Variants in GTF2IRD2 observed in about 807,000 individuals in gnomAD.
GTF2IRD2 encodes the protein GTF2I repeat domain containing 2, also known as general transcription factor II-I repeat domain-containing protein 2A.
A neutral mutation model predicts 49.2 loss-of-function variants in GTF2IRD2; 8 were observed. The ratio of observed to expected loss-of-function variants is 0.16; its 90% CI spans 0.10 to 0.29. The LOEUF (loss-of-function observed/expected upper bound fraction) is 0.29, where lower values mean the gene tolerates loss of function less well. GTF2IRD2 is among the 10% of genes least tolerant of loss of function. GTF2IRD2 has a pLI of 1.00. For missense variants in GTF2IRD2, 130 were observed against 725.7 expected, an observed-to-expected ratio of 0.18 and a Z score of 9.43; for synonymous variants, 47 against 289.7, an observed-to-expected ratio of 0.16 and a Z score of 8.51.
chr7:74,829,884 T>A, intron 3 of GTF2IRD2, among the ~76,000 whole-genome samples: 1 of 27,600 alleles, frequency 3.6e-5, no homozygotes, highest in Non-Finnish European at 5.5e-5. Flanking sequence ...CGAGATTCTG[T>A]CTCAAAAAAA....
rs1367523659 is a variant in GTF2IRD2 at position 74,818,434 on chromosome 7, T to C, written c.670+1120A>G. 2.8e-5 allele frequency among the ~76,000 whole-genome samples: 4 copies of C among 144,644 alleles called. 1 individual carries two copies. The highest frequency in any genetic ancestry group is 1.1e-4 in the African/African-American group (4 of 37,436). The allele number at this position is 144,644 out of a possible 152,430, so 94.9% of individuals were successfully genotyped here. ...ATCTTAGTCCCTATTATGTACTGAA[T>C]TAGAAGGCTCCCTCTCTCTCTCTCT... On this transcript the variant is annotated intron_variant, in intron 8 of 15. Transcript: ENST00000451013.
chr7:74,836,138 T>C, intron 2 of GTF2IRD2, 142 bp downstream of exon 2: 1 of 906,634 alleles, frequency 1.1e-6, no homozygotes, highest in South Asian at 1.5e-5. Flanking sequence ...GCCACTGCAC[T>C]CCAGCCTGGG....
intron 3 of GTF2IRD2, among the ~76,000 whole-genome samples, chr7:74,825,366 C>T (rs1208771412): frequency 6.8e-5 from 8 of 117,418 alleles, no homozygotes; most frequent in African/African-American, 2.0e-4. Flanking sequence ...TGGGCTTAAG[C>T]GGTCCTCCCA....
chr7:74,844,992 CT>C (rs1801143041), intron 1 of GTF2IRD2, among the ~76,000 whole-genome samples: 1 of 116,578 alleles, frequency 8.6e-6, no homozygotes, highest in Non-Finnish European at 1.8e-5. Context: ...TGCCTGGCCC[CT>C]GTGAATTCTG....
intron 1 of GTF2IRD2, among the ~76,000 whole-genome samples, chr7:74,842,836 G>A (rs1800966225): frequency 6.9e-6 from 1 of 144,996 alleles, no homozygotes; most frequent in South Asian, 2.3e-4. Flanking sequence ...TTACAGGCAT[G>A]AGCCTCCGTG....
intron 3 of GTF2IRD2, among the ~76,000 whole-genome samples, chr7:74,826,745 T>C (rs1799433490): frequency 8.8e-6 from 1 of 113,530 alleles, no homozygotes; most frequent in African/African-American, 3.6e-5. Context: ...AGAGTCTTAC[T>C]CTGTTGCCTA....
At chr7:74,839,976 G>T (rs1363915205) in intron 1 of GTF2IRD2, among the ~76,000 whole-genome samples, 8 of 147,888 alleles carry the variant, frequency 5.4e-5, no homozygotes, top group Admixed American at 1.3e-4. Flanking sequence ...CTCCAGGTGG[G>T]GCAACAGAGT....
At chr7:74,829,887 C>CAAAAAAACA (rs199938539) in intron 3 of GTF2IRD2, among the ~76,000 whole-genome samples, 1 of 59,830 alleles carries the variant, frequency 1.7e-5, no homozygotes, top group African/African-American at 6.0e-5. Flanking sequence ...GATTCTGTCT[C>CAAAAAAACA]AAAAAAAAAA....
chr7:74,806,300 T>G (rs1584386114), intron 12 of GTF2IRD2, among the ~76,000 whole-genome samples: 1 of 135,446 alleles, frequency 7.4e-6, no homozygotes, highest in African/African-American at 2.7e-5. Context: ...AAAAGAAGAT[T>G]ATTATTATTA....
At chr7:74,813,899 G>A (rs1424849450) in intron 8 of GTF2IRD2, among the ~76,000 whole-genome samples, 1 of 81,964 alleles carries the variant, frequency 1.2e-5, no homozygotes, top group Non-Finnish European at 3.2e-5. Context: ...ATAATGGAAT[G>A]GATTTCAAAA....
chr7:74,809,957 C>G (rs1240736857), intron 10 of GTF2IRD2, among the ~76,000 whole-genome samples: 6 of 47,128 alleles, frequency 1.3e-4, no homozygotes, highest in African/African-American at 3.9e-4. Flanking sequence ...CCACGCCTGG[C>G]TAATTTTTGT....
At chr7:74,831,560 C>T (rs1387598089) in intron 3 of GTF2IRD2, among the ~76,000 whole-genome samples, 27 of 144,642 alleles carry the variant, frequency 1.9e-4, no homozygotes, top group African/African-American at 5.9e-4. Context: ...TACCCTCTGA[C>T]GAACCTTTCT....
In GTF2IRD2 at chr7:74,841,079, C is replaced by T. The variant is rs1160559355; in HGVS notation, c.-5-4696G>A. ...GGCCAGGCCGGTCTTGAACTCCTAA[C>T]CTCAGTTGATCCACACGCCTCAGCC... On this transcript the variant is annotated intron_variant, in intron 1 of 15. Transcript: ENST00000451013. Among the ~76,000 whole-genome samples, 3 of 138,244 alleles carry T rather than the reference C, an allele frequency of 2.2e-5. No individual in the cohort carries two copies. In the Admixed American group the frequency reaches 2.2e-4, roughly 10 times the overall value. 90.7% of individuals were successfully genotyped at this position (138,244 alleles called of 152,430 possible).
At chr7:74,838,379 A>AT (rs3053908) in intron 1 of GTF2IRD2, among the ~76,000 whole-genome samples, 80,525 of 107,214 alleles carry the variant, frequency 0.75, 32,093 homozygotes, top group East Asian at 0.95. Context: ...TTTTGCCAAG[A>AT]TTTTTTTTTT....
chr7:74,836,137 C>T, intron 2 of GTF2IRD2, 143 bp downstream of exon 2: 1 of 897,646 alleles, frequency 1.1e-6, no homozygotes, highest in Non-Finnish European at 1.7e-6. Context: ...TGCCACTGCA[C>T]TCCAGCCTGG....
At chr7:74,811,260 T>A (rs2131672653) in intron 9 of GTF2IRD2, among the ~76,000 whole-genome samples, 1 of 151,446 alleles carries the variant, frequency 6.6e-6, no homozygotes, top group African/African-American at 2.4e-5. Context: ...ATCTCAGCTA[T>A]TCTTGAGGCC....
intron 3 of GTF2IRD2, among the ~76,000 whole-genome samples, chr7:74,825,819 G>A (rs1172879125): frequency 1.3e-5 from 1 of 76,094 alleles, no homozygotes; most frequent in South Asian, 4.5e-4. Context: ...TTTTTTTTTT[G>A]AGACAGAGTC....
chr7:74,844,807 C>T (rs1216755512), intron 1 of GTF2IRD2, among the ~76,000 whole-genome samples: 5 of 66,662 alleles, frequency 7.5e-5, no homozygotes, highest in Non-Finnish European at 1.6e-4. Context: ...CGTGCCTCAG[C>T]CTCCTGAGTA....
chr7:74,807,800 T>TA (rs1360963802), intron 11 of GTF2IRD2, among the ~76,000 whole-genome samples: 3 of 12,068 alleles, frequency 2.5e-4, no homozygotes, highest in Admixed American at 2.2e-3. Context: ...CCTGCGGAGT[T>TA]ACCTTTGATA....
Sources: allele counts gnomAD v4.1 joint callset (sites outside exome capture counted in the v4.1 genomes callset), GRCh38; gene constraint gnomAD v4.1.1; transcripts MANE v1.5; gene names NCBI Gene and HGNC (gene_info 2026-07-23, HGNC 2026-07-21).